The following TRIM33 variants were observed in gnomAD, a reference collection of about 807,000 sequenced individuals.
TRIM33 encodes the protein tripartite motif containing 33, also known as E3 ubiquitin-protein ligase TRIM33.
A neutral mutation model predicts 125.4 loss-of-function variants in TRIM33; 20 were observed. The observed-to-expected ratio is 0.16, with a 90% CI of 0.11 to 0.23. The LOEUF (loss-of-function observed/expected upper bound fraction) is 0.23, where lower values mean the gene tolerates loss of function less well. TRIM33 is among the 10% of genes least tolerant of loss of function. The probability of loss-of-function intolerance (pLI) is 1.00; values close to 1 mark genes in which losing one functional copy is unlikely to be tolerated. For synonymous variants in TRIM33, 564 were observed against 513.9 expected, an observed-to-expected ratio of 1.10 and a Z score of -1.32; for missense variants, 920 against 1,411.4, an observed-to-expected ratio of 0.65 and a Z score of 5.58.
intron 4 of TRIM33, among the ~76,000 whole-genome samples, chr1:114,459,758 C>A (rs984910067): frequency 2.0e-5 from 3 of 152,034 alleles, no homozygotes; most frequent in African/African-American, 4.8e-5. Flanking sequence ...AAGAAAAATT[C>A]TCTCTCTCCA....
At chr1:114,488,321 A>G (rs533625338) in intron 1 of TRIM33, among the ~76,000 whole-genome samples, 1 of 152,332 alleles carries the variant, frequency 6.6e-6, no homozygotes, top group African/African-American at 2.4e-5. Flanking sequence ...CACATCAATA[A>G]TTACCTTAAA....
intron 19 of TRIM33, 39 bp from the exon 20 acceptor site, chr1:114,397,899 G>A (rs1177830905): frequency 1.9e-6 from 3 of 1,613,542 alleles, no homozygotes; most frequent in Non-Finnish European, 2.5e-6. Flanking sequence ...TATTGGTAAT[G>A]CATATTCCTT....
chr1:114,485,537 A>T (rs1446598175), intron 1 of TRIM33, among the ~76,000 whole-genome samples: 2 of 152,162 alleles, frequency 1.3e-5, no homozygotes, highest in Non-Finnish European at 2.9e-5. Flanking sequence ...TGGTATCACA[A>T]GGGCTCAGTG....
intron 1 of TRIM33, among the ~76,000 whole-genome samples, chr1:114,476,677 A>ATT (rs1399248185): frequency 6.6e-6 from 1 of 152,178 alleles, no homozygotes; most frequent in Non-Finnish European, 1.5e-5. Flanking sequence ...ATTTTAAAAG[A>ATT]TTACTAAGCC....
intron 1 of TRIM33, among the ~76,000 whole-genome samples, chr1:114,490,068 G>T: frequency 1.8e-5 from 2 of 108,882 alleles, no homozygotes; most frequent in Non-Finnish European, 1.7e-5. Flanking sequence ...CTGGGCAACA[G>T]AGCGAGACTC....
chr1:114,439,017 T>C (rs1456365952), intron 4 of TRIM33, among the ~76,000 whole-genome samples: 2 of 152,092 alleles, frequency 1.3e-5, no homozygotes, highest in African/African-American at 4.8e-5. Context: ...GAGAAAGACA[T>C]TAAAATCCTC....
At chr1:114,497,045 C>A (rs1456384707) in intron 1 of TRIM33, among the ~76,000 whole-genome samples, 1 of 152,176 alleles carries the variant, frequency 6.6e-6, no homozygotes, top group Admixed American at 6.5e-5. Flanking sequence ...TCCACTCACT[C>A]TTCTTTGAAA....
chr1:114,402,660 G>A (rs1651970804), intron 16 of TRIM33, 100 bp downstream of exon 16: 3 of 1,328,514 alleles, frequency 2.3e-6, no homozygotes, highest in Non-Finnish European at 3.1e-6. Context: ...AAAATTAAAT[G>A]TTATCAGGTT....
intron 1 of TRIM33, among the ~76,000 whole-genome samples, chr1:114,483,531 C>A (rs886789574): frequency 4.0e-5 from 6 of 151,776 alleles, no homozygotes; most frequent in African/African-American, 1.5e-4. Context: ...CCTGCCTCAG[C>A]CTCCCGAGTA....
chr1:114,414,073 T>C (rs1652781015), intron 11 of TRIM33, among the ~76,000 whole-genome samples: 2 of 124,128 alleles, frequency 1.6e-5, no homozygotes, highest in South Asian at 5.3e-4. Flanking sequence ...ACACACACGT[T>C]TTTAAATTCG....
intron 1 of TRIM33, among the ~76,000 whole-genome samples, chr1:114,466,938 T>A (rs1650340862): frequency 6.6e-6 from 1 of 152,224 alleles, no homozygotes; most frequent in Admixed American, 6.5e-5. Flanking sequence ...TATAAGTGTA[T>A]TTAGTCCTCA....
At chr1:114,457,601 T>C (rs895073480) in intron 4 of TRIM33, among the ~76,000 whole-genome samples, 3 of 152,080 alleles carry the variant, frequency 2.0e-5, no homozygotes, top group African/African-American at 7.2e-5. Context: ...TGCAAAGAGG[T>C]ACTCATTATA....
intron 11 of TRIM33, among the ~76,000 whole-genome samples, chr1:114,412,833 G>A (rs1652679112): frequency 6.6e-6 from 1 of 152,116 alleles, no homozygotes; most frequent in Non-Finnish European, 1.5e-5. Context: ...ACGAATCTTT[G>A]TATAGAAATA....
In TRIM33 at chr1:114,408,700, A is replaced by G. The variant is rs1269652452; in HGVS notation, c.2235T>C (p.Thr745=). Residue 745 remains threonine, a synonymous_variant, in exon 13 of 20, where the codon ACT becomes ACC. Transcript: ENST00000358465. ...ACCTGCCTCGACTGCCAGTACTAGA[A>G]GTACTTGGGGGTCTCACAGGTGTGT... ...NSHTPVRPPS[T]SSTGSRGSCG... 2 of 1,605,176 alleles carry G rather than the reference A, an allele frequency of 1.2e-6. No homozygotes were observed. Among genetic ancestry groups the G allele is most frequent in the Non-Finnish European group, 1.7e-6 (2 of 1,175,362 alleles).
chr1:114,405,051 G>A (rs1429937059), intron 15 of TRIM33: 2 of 164,580 alleles, frequency 1.2e-5, no homozygotes, highest in African/African-American at 2.4e-5. Flanking sequence ...ACCACTTGTA[G>A]ATGCAAAAAC....
At chr1:114,444,318 A>C (rs1648843291) in intron 4 of TRIM33, among the ~76,000 whole-genome samples, 1 of 152,140 alleles carries the variant, frequency 6.6e-6, no homozygotes, top group African/African-American at 2.4e-5. Flanking sequence ...ACAGGGTGAG[A>C]TTACACAAAG....
At chr1:114,401,028 CTT>C (rs944429313) in intron 17 of TRIM33, among the ~76,000 whole-genome samples, 462 of 142,454 alleles carry the variant, frequency 3.2e-3, no homozygotes, top group African/African-American at 0.011. Context: ...AGGCCATACT[CTT>C]TTTTTTTTTT....
At chr1:114,473,969 G>GC (rs1650816869) in intron 1 of TRIM33, among the ~76,000 whole-genome samples, 1 of 152,026 alleles carries the variant, frequency 6.6e-6, no homozygotes, top group African/African-American at 2.4e-5. Flanking sequence ...GTGCAGTGGC[G>GC]CTCACTGCAG....
Position 114,463,549 on chromosome 1 carries a change from G to A in TRIM33, c.653C>T (p.Thr218Ile). The A allele has an allele frequency of 1.3e-6, 2 of 1,588,032 alleles. No homozygotes were observed. The highest frequency in any genetic ancestry group is 1.7e-6 in the Non-Finnish European group (2 of 1,164,946). Reference sequence around the variant, plus strand: ...TGCACTTGCATTGTCTTCACAACTAGTACATACCTAAAAGAAGAAATAAGC... The same window carrying A: ...TGCACTTGCATTGTCTTCACAACTAATACATACCTAAAAGAAGAAATAAGC... ...SSDEKSEQVC[T>I]SCEDNASAVG... is the part of the protein sequence containing the mutation. Residue 218 changes from threonine (T) to isoleucine (I), a missense_variant, in exon 3 of 20, where the codon ACT becomes ATT. By Grantham distance (89) the Thr-to-Ile change is moderately conservative. This residue lies in a region of TRIM33 where 24 missense variants were observed against 83.9 expected (regional missense o/e 0.29). Transcript: ENST00000358465.
Sources: gnomAD v4.1 joint callset for allele counts (sites outside exome capture counted in the v4.1 genomes callset) on GRCh38, gnomAD v4.1.1 for gene constraint, gnomAD v4.1.1 regional missense constraint, MANE v1.5 for transcripts, NCBI Gene and HGNC (gene_info 2026-07-23, HGNC 2026-07-21) for gene names.